MET: variants seen among roughly 807,000 people sequenced by gnomAD.
The protein encoded by MET is MET proto-oncogene, receptor tyrosine kinase.
A neutral mutation model predicts 133.1 loss-of-function variants in MET; 48 were observed. The observed-to-expected ratio is 0.36, with a 90% CI of 0.29 to 0.46. The LOEUF (loss-of-function observed/expected upper bound fraction) is 0.46. MET is among the 20% of genes least tolerant of loss of function. The probability of loss-of-function intolerance (pLI) is 1.00; values close to 1 mark genes in which losing one functional copy is unlikely to be tolerated. For missense variants in MET, 1,442 were observed against 1,695.9 expected, an observed-to-expected ratio of 0.85 and a Z score of 2.63; for synonymous variants, 628 against 616.5, an observed-to-expected ratio of 1.02 and a Z score of -0.28.
At chr7:116,736,475 A>G (rs1270202780) in intron 3 of MET, among the ~76,000 whole-genome samples, 1 of 152,232 alleles carries the variant, frequency 6.6e-6, no homozygotes, top group East Asian at 1.9e-4. Context: ...ATTTAATTCT[A>G]TTAATAAAAC....
intron 6 of MET, 62 bp downstream of exon 6, chr7:116,755,577 A>G: frequency 6.2e-7 from 1 of 1,600,324 alleles, no homozygotes; most frequent in Non-Finnish European, 8.6e-7. Context: ...TTTTGAATGA[A>G]TATTTCTTTT....
At position 116,699,788 on chromosome 7, in the gene MET, T is replaced by C. The variant is rs1060503530; in HGVS notation, c.704T>C (p.Ile235Thr). ...ATGTTTTTGACGGACCAGTCCTACA[T>C]TGATGTTTTACCTGAGTTCAGAGAT... The part of the protein sequence containing the change: ...GFMFLTDQSY[I>T]DVLPEFRDSY... Residue 235 changes from isoleucine (I) to threonine (T), a missense_variant, in exon 2 of 21, where the codon ATT becomes ACT. Coordinates refer to ENST00000397752, the MANE Select transcript of MET (RefSeq NM_000245.4). 11 of 1,613,978 alleles carry C rather than the reference T, an allele frequency of 6.8e-6. No individual in the cohort carries two copies. Among genetic ancestry groups the C allele is most frequent in the South Asian group, 1.1e-5 (1 of 91,078 alleles).
intron 5 of MET, among the ~76,000 whole-genome samples, chr7:116,742,185 G>T (rs1793484223): frequency 6.6e-6 from 1 of 152,128 alleles, no homozygotes; most frequent in African/African-American, 2.4e-5. Flanking sequence ...CCAAGTGCAT[G>T]GCTGTTTTCA....
intron 2 of MET, among the ~76,000 whole-genome samples, chr7:116,719,181 C>T (rs1317670956): frequency 7.3e-6 from 1 of 137,452 alleles, no homozygotes; most frequent in African/African-American, 2.8e-5. Flanking sequence ...TAATGATTGC[C>T]ATTCTAACTG....
chr7:116,675,913 T>A (rs1464741838), intron 1 of MET, among the ~76,000 whole-genome samples: 1 of 152,208 alleles, frequency 6.6e-6, no homozygotes, highest in Non-Finnish European at 1.5e-5. Flanking sequence ...AGAAAGCCCA[T>A]TCTCAGATAT....
chr7:116,700,548 G>A (rs759074353), intron 2 of MET, among the ~76,000 whole-genome samples: 3 of 152,094 alleles, frequency 2.0e-5, no homozygotes, highest in Non-Finnish European at 4.4e-5. Flanking sequence ...TTATATTAAA[G>A]TTATTTCCCA....
chr7:116,693,136 T>A (rs1796834774), intron 1 of MET, among the ~76,000 whole-genome samples: 1 of 152,168 alleles, frequency 6.6e-6, no homozygotes, highest in African/African-American at 2.4e-5. Flanking sequence ...GTGAAAGCAA[T>A]AATATGCCAA....
intron 5 of MET, among the ~76,000 whole-genome samples, chr7:116,748,291 C>T (rs903594554): frequency 6.6e-6 from 1 of 152,154 alleles, no homozygotes; most frequent in African/African-American, 2.4e-5. Flanking sequence ...CAAAACCACA[C>T]AACTACCTGG....
At chr7:116,740,161 C>T (rs2116829544) in intron 4 of MET, 77 bp downstream of exon 4, 2 of 1,517,384 alleles carry the variant, frequency 1.3e-6, no homozygotes, top group Non-Finnish European at 1.8e-6. Flanking sequence ...TCACTTGGCC[C>T]TTTATAATGT....
At chr7:116,711,350 C>G (rs1791985370) in intron 2 of MET, among the ~76,000 whole-genome samples, 1 of 152,162 alleles carries the variant, frequency 6.6e-6, no homozygotes, top group South Asian at 2.1e-4. Flanking sequence ...TTCTTGTGTT[C>G]CAGCCTCATT....
At chr7:116,724,795 G>A (rs1425071186) in intron 2 of MET, 31 of 1,287,948 alleles carry the variant, frequency 2.4e-5, no homozygotes, top group Non-Finnish European at 3.1e-5. Flanking sequence ...TAGATTGGAG[G>A]TGAAGACCCT....
chr7:116,787,731 A>T (rs1266064482), intron 19 of MET, among the ~76,000 whole-genome samples: 5 of 152,386 alleles, frequency 3.3e-5, no homozygotes, highest in Admixed American at 6.5e-5. Context: ...TGGGGGACAC[A>T]TTCAAACCAT....
In MET at chr7:116,724,766, T is replaced by G. The variant is rs1313768228; in HGVS notation, c.1201-6902T>G. The G allele has an allele frequency of 2.5e-6, 3 of 1,222,424 alleles. No homozygotes were observed. In the Admixed American group the frequency reaches 7.5e-5, roughly 31 times the overall value. The allele number at this position is 1,222,424 out of a possible 1,614,324, so 75.7% of individuals were successfully genotyped here. On this transcript the variant is annotated intron_variant, in intron 2 of 20. Coordinates refer to ENST00000397752, the MANE Select transcript of MET (RefSeq NM_000245.4). ...AAATCAATTCGCTCAACCTCTCCCT[T>G]TACAGGCAGAAAATGTGCTAGATTG... is the stretch of plus-strand genomic sequence containing the variant.
At chr7:116,739,582 A>T (rs1175900253) in intron 3 of MET, among the ~76,000 whole-genome samples, 2 of 152,232 alleles carry the variant, frequency 1.3e-5, no homozygotes, top group Non-Finnish European at 1.5e-5. Flanking sequence ...GGATATATTT[A>T]AAAAATAATC....
At chr7:116,750,152 G>A (rs1793859808) in intron 5 of MET, among the ~76,000 whole-genome samples, 1 of 151,888 alleles carries the variant, frequency 6.6e-6, no homozygotes, top group African/African-American at 2.4e-5. Flanking sequence ...GAACACAGCT[G>A]GTGGCATCAC....
At chr7:116,791,688 G>A (rs889062723) in intron 19 of MET, among the ~76,000 whole-genome samples, 10 of 151,732 alleles carry the variant, frequency 6.6e-5, no homozygotes, top group Admixed American at 6.6e-5. Context: ...CTTTTGGGAC[G>A]AAGTCTCACT....
chr7:116,773,431 A>T (rs1454315937), intron 14 of MET, among the ~76,000 whole-genome samples: 1 of 152,190 alleles, frequency 6.6e-6, no homozygotes, highest in African/African-American at 2.4e-5. Flanking sequence ...TTTTCATGCC[A>T]AAGGGCTTTT....
rs182371288 is a variant in MET at position 116,684,320 on chromosome 7, A to G, written c.-15+11743A>G. The stretch of plus-strand genomic sequence containing the variant: ...ACTTTGTTCAGGAACATTCTTTTGT[A>G]TATTGATTGATTCTGTTGTCCATTC... On this transcript the variant is annotated intron_variant, in intron 1 of 20. Transcript: ENST00000397752. 9.2e-5 allele frequency among the ~76,000 whole-genome samples: 14 copies of G among 152,268 alleles called. No individual in the cohort carries two copies. The East Asian group carries it at 2.3e-3, about 25-fold the overall frequency.
At position 116,771,878 on chromosome 7, in the gene MET, G is replaced by A. The variant is rs1584955330; in HGVS notation, c.2917G>A (p.Ala973Thr). ...DLGSELVRYD[A>T]RVHTPHLDRL... ...GGGCAGTGAATTAGTTCGCTACGATGCAAGAGTACACACTCCTCATTTGGA... is the reference window on the plus strand; with the variant it reads ...GGGCAGTGAATTAGTTCGCTACGATACAAGAGTACACACTCCTCATTTGGA... Residue 973 changes from alanine (A) to threonine (T), a missense_variant, in exon 14 of 21, where the codon GCA becomes ACA. Transcript: ENST00000397752. 2 of 1,613,672 alleles carry A rather than the reference G, an allele frequency of 1.2e-6. No homozygotes were observed. The highest frequency in any genetic ancestry group is 2.2e-5 in the East Asian group (1 of 44,864).
Sources: gnomAD v4.1 joint callset for allele counts (sites outside exome capture counted in the v4.1 genomes callset) on GRCh38, gnomAD v4.1.1 for gene constraint, MANE v1.5 for transcripts, NCBI Gene and HGNC (gene_info 2026-07-23, HGNC 2026-07-21) for gene names.